The following FAM76A variants were observed in gnomAD, a reference collection of about 807,000 sequenced individuals.
FAM76A encodes family with sequence similarity 76 member A, also known as protein FAM76A.
In FAM76A, 32 loss-of-function variants were observed where a neutral mutation model predicts 46.2. The ratio of observed to expected loss-of-function variants is 0.69; its 90% CI spans 0.52 to 0.93. The LOEUF (loss-of-function observed/expected upper bound fraction) is 0.93, where lower values mean the gene tolerates loss of function less well. Ranked by LOEUF, FAM76A falls within the 40% of genes least tolerant of loss-of-function variation. The probability of loss-of-function intolerance (pLI) is 0.00; values close to 1 mark genes in which losing one functional copy is unlikely to be tolerated. For synonymous variants in FAM76A, 137 were observed against 127.0 expected (o/e 1.08, Z -0.53); for missense variants, 274 against 361.5 (o/e 0.76, Z 1.96).
chr1:27,729,040 A>ATT (rs139604845), intron 2 of FAM76A, among the ~76,000 whole-genome samples: 5 of 150,278 alleles, frequency 3.3e-5, no homozygotes, highest in Admixed American at 2.7e-4. Flanking sequence ...CAACAAAGTG[A>ATT]TTTTTTTTTG....
intron 2 of FAM76A, among the ~76,000 whole-genome samples, chr1:27,728,491 C>G (rs2087900770): frequency 6.6e-6 from 1 of 151,078 alleles, no homozygotes. Flanking sequence ...TAACTGGGAC[C>G]ACAGGTGTGT....
intron 5 of FAM76A, among the ~76,000 whole-genome samples, chr1:27,748,345 C>T (rs1426807979): frequency 2.6e-5 from 4 of 151,454 alleles, no homozygotes; most frequent in South Asian, 2.1e-4. Flanking sequence ...AGGATGGTGT[C>T]GATCTCCTGA....
chr1:27,734,367 G>A (rs2088010060), intron 4 of FAM76A, among the ~76,000 whole-genome samples, 184 bp downstream of exon 4: 1 of 152,062 alleles, frequency 6.6e-6, no homozygotes, highest in Non-Finnish European at 1.5e-5. Flanking sequence ...CTAACATGGT[G>A]AAACCGCGTC....
intron 4 of FAM76A, chr1:27,740,149 T>C (rs2088127476): frequency 2.0e-6 from 1 of 505,058 alleles, no homozygotes; most frequent in Admixed American, 2.6e-5. Flanking sequence ...TTCTTTGACA[T>C]ACATGTGATG....
At chr1:27,750,110 A>C (rs532400192) in intron 6 of FAM76A, among the ~76,000 whole-genome samples, 66 of 152,258 alleles carry the variant, frequency 4.3e-4, no homozygotes, top group Non-Finnish European at 8.2e-4. Context: ...GCGATCTTTG[A>C]AATCATCTCC....
At chr1:27,735,034 A>C (rs1243531417) in intron 4 of FAM76A, among the ~76,000 whole-genome samples, 1 of 152,232 alleles carries the variant, frequency 6.6e-6, no homozygotes, top group Non-Finnish European at 1.5e-5. Context: ...TGCAAGGCCC[A>C]TGCGCAGCTC....
intron 8 of FAM76A, chr1:27,760,168 A>G: frequency 2.8e-6 from 1 of 361,644 alleles, no homozygotes; most frequent in Non-Finnish European, 5.4e-6. Flanking sequence ...ATTTTTGAAT[A>G]AACCAGATGT....
At chr1:27,756,293 T>C (rs902574231) in intron 7 of FAM76A, among the ~76,000 whole-genome samples, 3 of 152,142 alleles carry the variant, frequency 2.0e-5, no homozygotes, top group Admixed American at 6.5e-5. Context: ...AATATCTTAG[T>C]TTATCTTCAG....
intron 4 of FAM76A, chr1:27,739,412 C>T: frequency 2.0e-6 from 1 of 509,966 alleles, no homozygotes; most frequent in Non-Finnish European, 4.0e-6. Flanking sequence ...AGGCCAACCT[C>T]GTGGAAATGT....
chr1:27,746,385 G>A (rs905335402), intron 5 of FAM76A, among the ~76,000 whole-genome samples: 3 of 152,126 alleles, frequency 2.0e-5, no homozygotes, highest in African/African-American at 7.2e-5. Context: ...TAGGAGCTTA[G>A]CCTAGAACTT....
At chr1:27,757,836 G>A (rs915151483) in intron 7 of FAM76A, among the ~76,000 whole-genome samples, 1 of 152,080 alleles carries the variant, frequency 6.6e-6, no homozygotes, top group South Asian at 2.1e-4. Context: ...AATTAGCTGG[G>A]CGTGGTGGTG....
intron 2 of FAM76A, among the ~76,000 whole-genome samples, chr1:27,729,998 C>T (rs2087927703): frequency 6.6e-6 from 1 of 152,098 alleles, no homozygotes; most frequent in African/African-American, 2.4e-5. Flanking sequence ...TATTCTGGGA[C>T]TTCATGTTAG....
chr1:27,738,677 A>G (rs1419222866), intron 4 of FAM76A, among the ~76,000 whole-genome samples: 1 of 152,094 alleles, frequency 6.6e-6, no homozygotes. Flanking sequence ...ACAAGACCTT[A>G]CTCTCACAGA....
At chr1:27,760,042 G>T (rs2088479970) in intron 8 of FAM76A, 4 of 457,208 alleles carry the variant, frequency 8.7e-6, no homozygotes, top group South Asian at 1.6e-5. Context: ...CAAAGTGCTA[G>T]GATTACAGGC....
Position 27,761,594 on chromosome 1 carries a change from T to G in FAM76A, c.*1013T>G, listed in dbSNP as rs752434064. The G allele has an allele frequency of 1.3e-5, 2 of 152,632 alleles. No homozygotes were observed. Among genetic ancestry groups the G allele is most frequent in the Non-Finnish European group, 2.9e-5 (2 of 68,042 alleles). The allele number at this position is 152,632 out of a possible 1,614,324, so 9.5% of individuals were successfully genotyped here. A position where few individuals can be genotyped will look rare whatever the true frequency, so the allele number is the denominator to read the frequency against. On this transcript the variant is annotated 3_prime_UTR_variant, in exon 9 of 9. Coordinates refer to ENST00000373954, the MANE Select transcript of FAM76A (RefSeq NM_152660.3). ...CCACTTCTTTAAAAAATAAAATCCT[T>G]TATTTGCTTATATCAGTTGTCATAC...
intron 7 of FAM76A, among the ~76,000 whole-genome samples, chr1:27,755,658 C>CT (rs1194765268): frequency 6.6e-6 from 1 of 152,184 alleles, no homozygotes; most frequent in Non-Finnish European, 1.5e-5. Flanking sequence ...ACTGCAGCCT[C>CT]TAACTTCCAG....
intron 2 of FAM76A, among the ~76,000 whole-genome samples, chr1:27,731,905 TC>T (rs2087963459): frequency 6.6e-6 from 1 of 152,150 alleles, no homozygotes; most frequent in Non-Finnish European, 1.5e-5. Flanking sequence ...TACTGCAACC[TC>T]CGCCTCCCGG....
chr1:27,752,475 CAT>C (rs1353668617), intron 6 of FAM76A, among the ~76,000 whole-genome samples: 2 of 152,280 alleles, frequency 1.3e-5, no homozygotes, highest in East Asian at 1.9e-4. Context: ...ACTTTTTAAT[CAT>C]GTGTGTTTAT....
intron 4 of FAM76A, among the ~76,000 whole-genome samples, chr1:27,737,997 G>A (rs2088084729): frequency 6.6e-6 from 1 of 151,858 alleles, no homozygotes; most frequent in Non-Finnish European, 1.5e-5. Context: ...AGGCTCCAGT[G>A]AGCTGTAATT....
Sources: gnomAD v4.1 joint callset for allele counts (sites outside exome capture counted in the v4.1 genomes callset) on GRCh38, gnomAD v4.1.1 for gene constraint, MANE v1.5 for transcripts, NCBI Gene and HGNC (gene_info 2026-07-23, HGNC 2026-07-21) for gene names.